Variants in CELF4 observed in about 807,000 individuals in gnomAD.
The protein encoded by CELF4 is CUG-BP- and ETR-3-like factor 4.
CELF4 carries 18 observed loss-of-function variants against 59.9 expected under a neutral mutation model. The ratio of observed to expected loss-of-function variants is 0.30; its 90% confidence interval spans 0.21 to 0.45. The LOEUF (loss-of-function observed/expected upper bound fraction) is 0.45. Among genes scored for constraint, CELF4 ranks in the 20% least tolerant of loss-of-function variants. The pLI, the probability that CELF4 is intolerant of heterozygous loss-of-function variation, is 1.00. For synonymous variants in CELF4, 261 were observed against 267.1 expected, an observed-to-expected ratio of 0.98 and a Z score of 0.22; for missense variants, 456 against 689.0, an observed-to-expected ratio of 0.66 and a Z score of 3.79.
chr18:37,563,693 G>A (rs2099987265), intron 1 of CELF4, among the ~76,000 whole-genome samples: 1 of 152,094 alleles, frequency 6.6e-6, no homozygotes, highest in African/African-American at 2.4e-5. Flanking sequence ...ATTGGATAAA[G>A]GTTGCCTTCT....
chr18:37,464,776 A>G (rs1165861795), intron 2 of CELF4, among the ~76,000 whole-genome samples: 1 of 152,200 alleles, frequency 6.6e-6, no homozygotes, highest in Non-Finnish European at 1.5e-5. Context: ...AGCAAGGGCC[A>G]CAGTGCTATC....
chr18:37,390,803 G>GGA (rs144068939), intron 2 of CELF4, among the ~76,000 whole-genome samples: 741 of 47,218 alleles, frequency 0.016, 11 homozygotes, highest in Non-Finnish European at 0.017. Flanking sequence ...GTGATGGGGC[G>GGA]GGGAGGGGGG....
At chr18:37,404,520 C>T (rs2099361725) in intron 2 of CELF4, among the ~76,000 whole-genome samples, 1 of 152,218 alleles carries the variant, frequency 6.6e-6, no homozygotes, top group Admixed American at 6.5e-5. Context: ...GGCAAGTGCA[C>T]AGTTGGATGC....
rs552452879 is a variant in CELF4, at chr18:37,386,797, G to A, written c.370-64916C>T. Among the ~76,000 whole-genome samples the A allele has an allele frequency of 1.5e-4, 23 of 152,282 alleles. No homozygotes were observed. The South Asian group carries it at 4.8e-3, about 32-fold the overall frequency. ...TCCTCTCTAGGGTTTCAAAGAAGAA[G>A]CCCTTGACTGCATGTTCACCTCTTC... is the stretch of plus-strand genomic sequence containing the variant. On this transcript the variant is annotated intron_variant, in intron 2 of 12. Transcript: ENST00000420428.
Position 37,264,636 on chromosome 18 carries a change from G to A in CELF4, c.1249+38C>T, listed in dbSNP as rs750319380. On this transcript the variant is annotated intron_variant, in intron 10 of 12. Transcript: ENST00000420428. ...TGAGCAGCCTCTTTGGGGACAACAG[G>A]GGGAGGGAGGGGCCCAGGAGCTGGC... 6 of 1,523,996 alleles carry A rather than the reference G, an allele frequency of 3.9e-6. No individual in the cohort carries two copies. In the South Asian group the frequency reaches 6.0e-5, roughly 15 times the overall value. 94.4% of individuals were successfully genotyped at this position (1,523,996 alleles called of 1,614,324 possible). A position where few individuals can be genotyped will look rare whatever the true frequency, so the allele number is the denominator to read the frequency against.
At chr18:37,497,028 G>A (rs1200520345) in intron 1 of CELF4, among the ~76,000 whole-genome samples, 2 of 152,286 alleles carry the variant, frequency 1.3e-5, no homozygotes, top group East Asian at 1.9e-4. Flanking sequence ...AAGTCATCCT[G>A]CAATCATTGC....
intron 2 of CELF4, chr18:37,473,347 A>T (rs1304814707): frequency 2.0e-5 from 3 of 152,182 alleles, no homozygotes; most frequent in African/African-American, 7.2e-5. Flanking sequence ...AACTGTCAAA[A>T]AAGTGGGAGT....
At chr18:37,331,093 G>C (rs1468845717) in intron 2 of CELF4, among the ~76,000 whole-genome samples, 2 of 152,152 alleles carry the variant, frequency 1.3e-5, no homozygotes, top group Admixed American at 1.3e-4. Flanking sequence ...GACACATACC[G>C]GCACGTAGGC....
chr18:37,360,289 G>A (rs2098681570), intron 2 of CELF4, among the ~76,000 whole-genome samples: 2 of 152,166 alleles, frequency 1.3e-5, no homozygotes, highest in South Asian at 4.1e-4. Flanking sequence ...GAGGGCCCCA[G>A]AGACCTGAGG....
At chr18:37,267,962 G>C (rs1411880834) in intron 8 of CELF4, among the ~76,000 whole-genome samples, 1 of 152,088 alleles carries the variant, frequency 6.6e-6, no homozygotes, top group Non-Finnish European at 1.5e-5. Context: ...ACTTGAACCC[G>C]GGAGGCGGAG....
chr18:37,407,449 GT>G (rs2099397116), intron 2 of CELF4, among the ~76,000 whole-genome samples: 1 of 152,130 alleles, frequency 6.6e-6, no homozygotes, highest in Non-Finnish European at 1.5e-5. Flanking sequence ...AAGTCCAGTA[GT>G]GTGGCAGCTT....
intron 2 of CELF4, among the ~76,000 whole-genome samples, chr18:37,332,410 A>G (rs957936877): frequency 3.1e-4 from 47 of 152,170 alleles, no homozygotes; most frequent in Non-Finnish European, 1.6e-4. Context: ...AGCTCTGCTC[A>G]GCAGTGTCCA....
At chr18:37,328,885 G>T (rs2097429562) in intron 2 of CELF4, among the ~76,000 whole-genome samples, 2 of 152,120 alleles carry the variant, frequency 1.3e-5, no homozygotes, top group Non-Finnish European at 2.9e-5. Context: ...ATAATTTGCA[G>T]GACCCCTTGT....
intron 10 of CELF4, among the ~76,000 whole-genome samples, chr18:37,263,783 T>A (rs763886521): frequency 6.6e-6 from 1 of 152,082 alleles, no homozygotes; most frequent in Non-Finnish European, 1.5e-5. Context: ...AGGCCTGTAC[T>A]GGGGCATTCT....
chr18:37,347,957 G>A (rs1392131082), intron 2 of CELF4, among the ~76,000 whole-genome samples: 1 of 152,124 alleles, frequency 6.6e-6, no homozygotes, highest in Non-Finnish European at 1.5e-5. Context: ...CAGCTCAGAA[G>A]GGGCCAACCA....
At chr18:37,493,448 C>T (rs1420047904) in intron 1 of CELF4, among the ~76,000 whole-genome samples, 1 of 152,200 alleles carries the variant, frequency 6.6e-6, no homozygotes, top group East Asian at 1.9e-4. Context: ...CCCCTTTCCC[C>T]CAGTGGCAGA....
intron 2 of CELF4, among the ~76,000 whole-genome samples, chr18:37,353,233 A>AAATATATATATATATATATAT (rs71168258): frequency 9.3e-6 from 1 of 106,984 alleles, no homozygotes; most frequent in Non-Finnish European, 1.8e-5. Flanking sequence ...AAAAAAAAAA[A>AAATATATATATATATATATAT]ATATATATAT....
chr18:37,396,531 C>T (rs642229), intron 2 of CELF4, among the ~76,000 whole-genome samples: 73,259 of 152,064 alleles, frequency 0.48, 18,237 homozygotes, highest in East Asian at 0.68. Flanking sequence ...TGAGGTGAGC[C>T]GCTGTGAGAG....
chr18:37,390,774 G>T (rs1453338747), intron 2 of CELF4, among the ~76,000 whole-genome samples: 1 of 145,708 alleles, frequency 6.9e-6, no homozygotes, highest in African/African-American at 2.6e-5. Flanking sequence ...GAGCTGGGTG[G>T]ACGGGAAGGC....
Sources: allele counts gnomAD v4.1 joint callset (sites outside exome capture counted in the v4.1 genomes callset), GRCh38; gene constraint gnomAD v4.1.1; transcripts MANE v1.5; gene names NCBI Gene and HGNC (gene_info 2026-07-23, HGNC 2026-07-21).